The following STAT5B variants were observed in gnomAD, a reference collection of about 807,000 sequenced individuals.
The protein encoded by STAT5B is signal transducer and activator of transcription 5B.
A neutral mutation model predicts 107.8 loss-of-function variants in STAT5B; 21 were observed. The observed-to-expected ratio is 0.19, with a 90% confidence interval of 0.14 to 0.28. The LOEUF (loss-of-function observed/expected upper bound fraction) is 0.28, where lower values mean the gene tolerates loss of function less well. Among genes scored for constraint, STAT5B ranks in the 10% least tolerant of loss-of-function variants. The pLI, the probability that STAT5B is intolerant of heterozygous loss-of-function variation, is 1.00. For missense variants in STAT5B, 565 were observed against 1,008.2 expected (o/e 0.56, Z 5.95); for synonymous variants, 325 against 401.7 (o/e 0.81, Z 2.28).
Position 42,201,703 on chromosome 17 carries a change from A to T in STAT5B, c.*35T>A. 1 of 1,278,166 alleles carries T rather than the reference A, an allele frequency of 7.8e-7. No individual in the cohort carries two copies. The highest frequency in any genetic ancestry group is 1.1e-6 in the Non-Finnish European group (1 of 873,152). The allele number at this position is 1,278,166 out of a possible 1,614,324, so 79.2% of individuals were successfully genotyped here. ...ATCCACAAGAGTGATTCCTCTGGTG[A>T]AGATGAAGAAGCTGAAGATGGAGAG... On this transcript the variant is annotated 3_prime_UTR_variant, in exon 19 of 19. Transcript: ENST00000293328.
At chr17:42,203,073 G>T in intron 16 of STAT5B, 1 of 484,762 alleles carries the variant, frequency 2.1e-6, no homozygotes. Context: ...CTCCTGAGTA[G>T]CTGGATTACA....
intron 16 of STAT5B, among the ~76,000 whole-genome samples, chr17:42,204,414 T>C (rs1420318059): frequency 4.6e-5 from 7 of 152,204 alleles, no homozygotes; most frequent in Non-Finnish European, 8.8e-5. Flanking sequence ...ACTATGATTA[T>C]AGGACAAGGA....
intron 18 of STAT5B, 103 bp downstream of exon 18, chr17:42,202,237 C>A: frequency 7.3e-7 from 1 of 1,375,620 alleles, no homozygotes; most frequent in South Asian, 1.2e-5. Context: ...GGTCTCAGAC[C>A]TAGAGGAGCT....
chr17:42,208,217 A>G (rs2080101741), intron 15 of STAT5B, among the ~76,000 whole-genome samples: 1 of 151,850 alleles, frequency 6.6e-6, no homozygotes. Context: ...AGCCATGGGT[A>G]GGGGCCAGGC....
At chr17:42,247,088 G>C (rs1003690897) in intron 1 of STAT5B, among the ~76,000 whole-genome samples, 4 of 152,296 alleles carry the variant, frequency 2.6e-5, no homozygotes, top group African/African-American at 9.6e-5. Flanking sequence ...CAGGAAAGTG[G>C]AACAGATCAG....
chr17:42,239,108 C>G (rs994636343), intron 1 of STAT5B, among the ~76,000 whole-genome samples: 7 of 151,570 alleles, frequency 4.6e-5, no homozygotes, highest in Non-Finnish European at 8.8e-5. Flanking sequence ...ATTAGCTGGG[C>G]GTGGTGCCAT....
At chr17:42,213,685 G>A (rs915868790) in intron 12 of STAT5B, among the ~76,000 whole-genome samples, 6 of 151,160 alleles carry the variant, frequency 4.0e-5, no homozygotes, top group South Asian at 2.1e-4. Flanking sequence ...GCACCACCAC[G>A]CCCAGCTAAT....
chr17:42,261,000 T>C (rs2080591354), intron 1 of STAT5B, among the ~76,000 whole-genome samples: 1 of 151,320 alleles, frequency 6.6e-6, no homozygotes, highest in Non-Finnish European at 1.5e-5. Flanking sequence ...CACTGCAACA[T>C]CTGCCACCTG....
intron 1 of STAT5B, among the ~76,000 whole-genome samples, chr17:42,232,650 T>G (rs536950476): frequency 2.6e-5 from 4 of 152,250 alleles, no homozygotes; most frequent in South Asian, 2.1e-4. Flanking sequence ...AGCCTGGCCA[T>G]GGAAAGATAC....
chr17:42,223,066 C>T (rs1322012773), intron 5 of STAT5B, among the ~76,000 whole-genome samples: 1 of 152,078 alleles, frequency 6.6e-6, no homozygotes, highest in East Asian at 1.9e-4. Flanking sequence ...CTACTATATA[C>T]AAAAGTATTG....
At chr17:42,247,082 A>C (rs2080458295) in intron 1 of STAT5B, among the ~76,000 whole-genome samples, 1 of 152,228 alleles carries the variant, frequency 6.6e-6, no homozygotes, top group Non-Finnish European at 1.5e-5. Context: ...TTACCCCAGG[A>C]AAGTGGAACA....
rs1219718677 is a variant in STAT5B at position 42,210,482 on chromosome 17, G to A, written c.1696C>T (p.Arg566Trp). 3.7e-6 allele frequency: 6 copies of A among 1,613,992 alleles called. No individual in the cohort carries two copies. The highest frequency in any genetic ancestry group is 5.1e-6 in the Non-Finnish European group (6 of 1,179,968). The change falls in exon 14 of 19, where the codon CGG (arginine) becomes TGG (tryptophan). Residue 566 changes from arginine to tryptophan, a missense_variant. This residue lies in a region of STAT5B where 127 missense variants were observed against 215.8 expected (regional missense o/e 0.59). Transcript: ENST00000293328. ...AACCATTGCCAGAAAGTGTAATTCC[G>A]TCCTGGTAAATTCTCCTGGTTGGAG... ...SQFNRENLPG[R>W]NYTFWQWFDG...
rs1217816287 is a variant in STAT5B at position 42,200,008 on chromosome 17, C to A, written c.*1730G>T. The A allele has an allele frequency of 6.6e-6, 1 of 152,602 alleles. No homozygotes were observed. Among genetic ancestry groups the A allele is most frequent in the Admixed American group, 6.6e-5 (1 of 15,266 alleles). The allele number at this position is 152,602 out of a possible 1,614,324, so 9.5% of individuals were successfully genotyped here. On this transcript the variant is annotated 3_prime_UTR_variant, in exon 19 of 19. Transcript: ENST00000293328. ...CTCATGGTTGGAATTTTCATCAAAT[C>A]TTGAGGGGTAGGGAGGGGCTGAGTG...
At chr17:42,283,196 G>A in the STAT5B span, among the ~76,000 whole-genome samples, 5 of 152,160 alleles carry the variant, frequency 3.3e-5, no homozygotes, top group Non-Finnish European at 7.3e-5. Context: ...CTAGCTCAGC[G>A]GGAAGAGCGG....
At chr17:42,215,516 G>C (rs2080163737) in intron 12 of STAT5B, among the ~76,000 whole-genome samples, 1 of 152,200 alleles carries the variant, frequency 6.6e-6, no homozygotes, top group Non-Finnish European at 1.5e-5. Flanking sequence ...AAATGGTGGA[G>C]TCTCAGTTCA....
rs960963583 is a variant in STAT5B at position 42,201,528 on chromosome 17, A to C, written c.*210T>G. 5 of 474,726 alleles carry C rather than the reference A, an allele frequency of 1.1e-5. No individual in the cohort carries two copies. In the African/African-American group the frequency reaches 1.3e-4, roughly 12 times the overall value. 29.4% of individuals were successfully genotyped at this position (474,726 alleles called of 1,614,324 possible). ...AACACCATAACGTGCAAACACGCAC[A>C]CACACACACACACACACACACACAC... On this transcript the variant is annotated 3_prime_UTR_variant, in exon 19 of 19. Transcript: ENST00000293328.
At chr17:42,222,529 A>T (rs538014699) in intron 5 of STAT5B, among the ~76,000 whole-genome samples, 1 of 152,226 alleles carries the variant, frequency 6.6e-6, no homozygotes, top group South Asian at 2.1e-4. Flanking sequence ...ACTTACACGT[A>T]CCTGCTTAGA....
intron 3 of STAT5B, 23 bp downstream of exon 3, chr17:42,227,506 G>A (rs1356981871): frequency 4.3e-6 from 7 of 1,612,578 alleles, no homozygotes; most frequent in Non-Finnish European, 5.1e-6. Flanking sequence ...GTAATTAAGT[G>A]TGACCCCAGA....
At chr17:42,283,982 G>A in the STAT5B span, among the ~76,000 whole-genome samples, 1 of 152,088 alleles carries the variant, frequency 6.6e-6, no homozygotes, top group Non-Finnish European at 1.5e-5. Context: ...CCCCTTTGCC[G>A]CAGGGTGAAA....
Sources: allele counts gnomAD v4.1 joint callset (sites outside exome capture counted in the v4.1 genomes callset), GRCh38; gene constraint gnomAD v4.1.1; regional missense constraint gnomAD v4.1.1; transcripts MANE v1.5; gene names NCBI Gene and HGNC (gene_info 2026-07-23, HGNC 2026-07-21).